Variants in AVPR1B observed in about 807,000 individuals in gnomAD.
AVPR1B encodes the protein arginine vasopressin receptor 1B.
In AVPR1B, 25 loss-of-function variants were observed where a neutral mutation model predicts 27.5. The ratio of observed to expected loss-of-function variants is 0.91; its 90% CI spans 0.66 to 1.27. The LOEUF (loss-of-function observed/expected upper bound fraction) is 1.27, where lower values mean the gene tolerates loss of function less well. Ranked by LOEUF, AVPR1B falls within the 50% of genes most tolerant of loss-of-function variation. The pLI is 0.00. For missense variants in AVPR1B, 595 were observed against 556.9 expected (o/e 1.07, Z -0.69); for synonymous variants, 248 against 240.2 (o/e 1.03, Z -0.30).
chr1:206,117,006 G>T lies in AVPR1B; in HGVS notation c.-116C>A. ...GAGAGAAAGGAGAAGCGTTGAGAAT[G>T]ACAGGGAGAAGGCTTGCAAATAGGC... On this transcript the variant is annotated 5_prime_UTR_variant, in exon 1 of 2. Transcript: ENST00000367126. The T allele has an allele frequency of 1.0e-6, 1 of 994,206 alleles. No individual in the cohort carries two copies. The highest frequency in any genetic ancestry group is 1.5e-6 in the Non-Finnish European group (1 of 655,906). 61.6% of individuals were successfully genotyped at this position (994,206 alleles called of 1,614,324 possible).
Position 206,108,794 on chromosome 1 carries a change from A to T in AVPR1B, c.*1395T>A, listed in dbSNP as rs1476181940. Reference sequence around the variant, plus strand: ...ATTGGGTTGGGGAAGCTATGCCATGATAAAAGTCCCCTGGAGATAATGAGC... The same window carrying T: ...ATTGGGTTGGGGAAGCTATGCCATGTTAAAAGTCCCCTGGAGATAATGAGC... On this transcript the variant is annotated 3_prime_UTR_variant, in exon 2 of 2. Transcript: ENST00000367126. Among the ~76,000 whole-genome samples the T allele has an allele frequency of 6.6e-6, 1 of 152,138 alleles. No homozygotes were observed. Among genetic ancestry groups the T allele is most frequent in the African/African-American group, 2.4e-5 (1 of 41,434 alleles).
At position 206,116,008 on chromosome 1, in the gene AVPR1B, C is replaced by G. The variant is rs782437924; in HGVS notation, c.883G>C (p.Ala295Pro). 1 of 1,613,984 alleles carries G rather than the reference C, an allele frequency of 6.2e-7. No homozygotes were observed. Among genetic ancestry groups the G allele is most frequent in the Non-Finnish European group, 8.5e-7 (1 of 1,179,878 alleles). The change falls in exon 1 of 2, where the codon GCT (alanine) becomes CCT (proline). Residue 295 changes from alanine (A) to proline (P), a missense_variant. Transcript: ENST00000367126. ...VIVLAYIACW[A>P]PFFSVQMWSV... The stretch of plus-strand genomic sequence containing the variant: ...CACATCTGGACACTGAAGAAGGGAG[C>G]CCAGCAAGCGATGTAGGCCAGCACG...
Position 206,108,128 on chromosome 1 carries a change from G to A in AVPR1B, c.*2061C>T, listed in dbSNP as rs1553289239. ...CTGTGGTCTAAAGATGGGGCAAGGG[G>A]GTGGGGAGGCCGCTTTTGTAAGCAG... On this transcript the variant is annotated 3_prime_UTR_variant, in exon 2 of 2. Coordinates refer to ENST00000367126, the MANE Select transcript of AVPR1B (RefSeq NM_000707.5). Among the ~76,000 whole-genome samples the A allele has an allele frequency of 6.6e-6, 1 of 152,186 alleles. No homozygotes were observed. Among genetic ancestry groups the A allele is most frequent in the Admixed American group, 6.5e-5 (1 of 15,284 alleles).
chr1:206,116,381 G>A lies in AVPR1B; in HGVS notation c.510C>T (p.Phe170=). The change falls in exon 1 of 2, where the codon TTC becomes TTT. Residue 170 remains phenylalanine, a synonymous_variant. Coordinates refer to ENST00000367126, the MANE Select transcript of AVPR1B (RefSeq NM_000707.5). ...GGATCACCTCCCGCAGGGAAAAAAT[G>A]AAGACTTGAGGGAGGCTGAAGATGG... is the stretch of plus-strand genomic sequence containing the variant. ...LAAIFSLPQV[F]IFSLREVIQG... is the part of the protein sequence containing the mutation. 1 of 1,613,876 alleles carries A rather than the reference G, an allele frequency of 6.2e-7. No individual in the cohort carries two copies. Among genetic ancestry groups the A allele is most frequent in the Non-Finnish European group, 8.5e-7 (1 of 1,180,048 alleles).
Position 206,108,796 on chromosome 1 carries a change from A to G in AVPR1B, c.*1393T>C, listed in dbSNP as rs1187345707. Among the ~76,000 whole-genome samples the G allele has an allele frequency of 1.3e-5, 2 of 152,218 alleles. No homozygotes were observed. Among genetic ancestry groups the G allele is most frequent in the African/African-American group, 4.8e-5 (2 of 41,454 alleles). On this transcript the variant is annotated 3_prime_UTR_variant, in exon 2 of 2. Transcript: ENST00000367126. ...TGGGTTGGGGAAGCTATGCCATGAT[A>G]AAAGTCCCCTGGAGATAATGAGCAT...
intron 1 of AVPR1B, among the ~76,000 whole-genome samples, chr1:206,112,275 C>T (rs1663394285): frequency 6.6e-6 from 1 of 152,048 alleles, no homozygotes; most frequent in Admixed American, 6.6e-5. Flanking sequence ...ATGTAGCCCG[C>T]AGTGTTGGAC....
At position 206,108,720 on chromosome 1, in the gene AVPR1B, A is replaced by G. The variant is rs1210241627; in HGVS notation, c.*1469T>C. ...CAGGATGCAGCTTTGCTGATGTTTC[A>G]GCTGATGTCTTTTCCACCAGCAAGG... On this transcript the variant is annotated 3_prime_UTR_variant, in exon 2 of 2. Coordinates refer to ENST00000367126, the MANE Select transcript of AVPR1B (RefSeq NM_000707.5). Among the ~76,000 whole-genome samples, 1 of 152,240 alleles carries G rather than the reference A, an allele frequency of 6.6e-6. No individual in the cohort carries two copies. The highest frequency in any genetic ancestry group is 6.5e-5 in the Admixed American group (1 of 15,286).
chr1:206,110,646 C>T (rs1558184264), intron 1 of AVPR1B, 123 bp from the exon 2 acceptor site: 1 of 800,584 alleles, frequency 1.2e-6, no homozygotes, highest in East Asian at 2.7e-5. Context: ...AAAGGAGTCA[C>T]TCAGTGTCCT....
chr1:206,113,097 A>G (rs1367749810), intron 1 of AVPR1B, among the ~76,000 whole-genome samples: 3 of 152,170 alleles, frequency 2.0e-5, no homozygotes, highest in Non-Finnish European at 4.4e-5. Context: ...GGAGTTCCAC[A>G]GGTTCCTTCA....
Position 206,110,264 on chromosome 1 carries a change from C to G in AVPR1B, c.1200G>C (p.Arg400Ser). The G allele has an allele frequency of 6.2e-7, 1 of 1,614,090 alleles. No homozygotes were observed. The highest frequency in any genetic ancestry group is 8.5e-7 in the Non-Finnish European group (1 of 1,180,042). The change falls in exon 2 of 2, where the codon AGG becomes AGC. Residue 400 changes from arginine to serine, a missense_variant. Coordinates refer to ENST00000367126, the MANE Select transcript of AVPR1B (RefSeq NM_000707.5). ...CCCTTGGTGACTCTTCAGGCCTGGG[C>G]CTCCCACTGAGGGTTAGGCTGAGGC... ...SLSLSLTLSG[R>S]PRPEESPRDL...
chr1:206,107,569 G>A lies in AVPR1B; in HGVS notation c.*2620C>T, dbSNP rs898202769. ...ATCACAGGACAGAACCAGCTTTCTGGAAAAGATCAAGTGTAGCCTTTCCAT... is the reference window on the plus strand; with the variant it reads ...ATCACAGGACAGAACCAGCTTTCTGAAAAAGATCAAGTGTAGCCTTTCCAT... On this transcript the variant is annotated 3_prime_UTR_variant, in exon 2 of 2. Transcript: ENST00000367126. Among the ~76,000 whole-genome samples the A allele has an allele frequency of 1.3e-5, 2 of 152,196 alleles. No individual in the cohort carries two copies. The highest frequency in any genetic ancestry group is 4.8e-5 in the African/African-American group (2 of 41,458).
At chr1:206,110,750 G>A (rs1372588939) in intron 1 of AVPR1B, among the ~76,000 whole-genome samples, 4 of 152,198 alleles carry the variant, frequency 2.6e-5, no homozygotes. Flanking sequence ...TTTTTGTTGT[G>A]TAACTGCAGG....
At chr1:206,111,327 A>T (rs1184695325) in intron 1 of AVPR1B, among the ~76,000 whole-genome samples, 3 of 152,196 alleles carry the variant, frequency 2.0e-5, no homozygotes, top group African/African-American at 7.2e-5. Flanking sequence ...AGGCTATAAG[A>T]TTCCTTCCAG....
At position 206,116,616 on chromosome 1, in the gene AVPR1B, A is replaced by G; in HGVS notation, c.275T>C (p.Leu92Pro). ...GAAGCGGTAGGTGATGTCCCACAGC[A>G]GCTGTGGCAGCACCTGGAAGAGCGC... ...AVALFQVLPQ[L>P]LWDITYRFQG... is the part of the protein sequence containing the mutation. Residue 92 changes from leucine (L) to proline (P), a missense_variant, in exon 1 of 2, where the codon CTG becomes CCG. Leu to Pro is a moderately conservative substitution (Grantham distance 98, BLOSUM62 -3). Transcript: ENST00000367126. 4 of 1,614,074 alleles carry G rather than the reference A, an allele frequency of 2.5e-6. No homozygotes were observed.
In AVPR1B at chr1:206,116,048, C is replaced by T. The variant is rs185131982; in HGVS notation, c.843G>A (p.Lys281=). 51 of 1,614,240 alleles carry T rather than the reference C, an allele frequency of 3.2e-5. No individual in the cohort carries two copies. The East Asian group carries it at 1.1e-3, about 36-fold the overall frequency. Residue 281 remains lysine, a synonymous_variant, in exon 1 of 2, where the codon AAG becomes AAA. Transcript: ENST00000367126. ...AGGCCAGCACGATGACAAAGGTCAT[C>T]TTCACTGTTCGGATCTTGGCCCGTG... ...TISRAKIRTV[K]MTFVIVLAYI...
In AVPR1B at chr1:206,110,435, G is replaced by T; in HGVS notation, c.1029C>A (p.Ser343Arg). ...GACGCAGGGGCCGCGGTAACAGGTG[G>T]CTGTTGAAGCCCATGTAGATCCAGG... ...CNPWIYMGFN[S>R]HLLPRPLRHL... Residue 343 changes from serine to arginine, a missense_variant, in exon 2 of 2, where the codon AGC (serine) becomes AGA (arginine). Physicochemically the swap from Ser to Arg is moderately radical, Grantham distance 110. Coordinates refer to ENST00000367126, the MANE Select transcript of AVPR1B (RefSeq NM_000707.5). The T allele has an allele frequency of 6.2e-7, 1 of 1,614,012 alleles. No individual in the cohort carries two copies. Among genetic ancestry groups the T allele is most frequent in the Non-Finnish European group, 8.5e-7 (1 of 1,179,966 alleles).
chr1:206,114,701 A>G (rs1663434815), intron 1 of AVPR1B, among the ~76,000 whole-genome samples: 1 of 152,212 alleles, frequency 6.6e-6, no homozygotes, highest in Admixed American at 6.5e-5. Context: ...TTTTAGAACC[A>G]CTTTTAAAAT....
rs530740789 is a variant in AVPR1B, at chr1:206,116,940, T to C, written c.-50A>G. On this transcript the variant is annotated 5_prime_UTR_variant, in exon 1 of 2. Transcript: ENST00000367126. ...GATGAAGGGAGGGTGTGGATGCAAG[T>C]GGAGAGGTTTGATGGATAAAATGGA... 3 of 1,503,704 alleles carry C rather than the reference T, an allele frequency of 2.0e-6. No individual in the cohort carries two copies. The highest frequency in any genetic ancestry group is 1.9e-5 in the Admixed American group (1 of 52,864). 93.1% of individuals were successfully genotyped at this position (1,503,704 alleles called of 1,614,324 possible). A position where few individuals can be genotyped will look rare whatever the true frequency, so the allele number is the denominator to read the frequency against.
chr1:206,114,196 AAAC>A (rs1276083896), intron 1 of AVPR1B, among the ~76,000 whole-genome samples: 1 of 152,198 alleles, frequency 6.6e-6, no homozygotes, highest in East Asian at 1.9e-4. Context: ...ATGAGATCAG[AAAC>A]AACAATACAA....
Sources: gnomAD v4.1 joint callset for allele counts (sites outside exome capture counted in the v4.1 genomes callset) on GRCh38, gnomAD v4.1.1 for gene constraint, MANE v1.5 for transcripts, NCBI Gene and HGNC (gene_info 2026-07-23, HGNC 2026-07-21) for gene names.